FSTL4: variants seen among roughly 807,000 people sequenced by gnomAD.
FSTL4 encodes follistatin like 4, also known as follistatin-related protein 4.
FSTL4 carries 28 observed loss-of-function variants against 78.2 expected under a neutral mutation model. The observed-to-expected ratio is 0.36, with a 90% CI of 0.27 to 0.49. The LOEUF (loss-of-function observed/expected upper bound fraction) is 0.49, where lower values mean the gene tolerates loss of function less well. Among genes scored for constraint, FSTL4 ranks in the 20% least tolerant of loss-of-function variants. The pLI is 0.98. For missense variants in FSTL4, 922 were observed against 1,084.9 expected, an observed-to-expected ratio of 0.85 and a Z score of 2.11; for synonymous variants, 422 against 440.5, an observed-to-expected ratio of 0.96 and a Z score of 0.53.
chr5:133,323,735 C>T (rs1467856811), intron 4 of FSTL4, among the ~76,000 whole-genome samples: 1 of 152,244 alleles, frequency 6.6e-6, no homozygotes, highest in Non-Finnish European at 1.5e-5. Flanking sequence ...GGGGCTCCTC[C>T]TGCTCCCAGA....
chr5:133,514,287 A>T (rs1270381752), intron 3 of FSTL4, among the ~76,000 whole-genome samples: 2 of 151,768 alleles, frequency 1.3e-5, no homozygotes, highest in Admixed American at 6.6e-5. Context: ...AAGAAACAAG[A>T]GGGTGAATCA....
At chr5:133,517,569 G>T in intron 3 of FSTL4, among the ~76,000 whole-genome samples, 2 of 135,982 alleles carry the variant, frequency 1.5e-5, no homozygotes, top group Admixed American at 7.5e-5. Flanking sequence ...ATAATTTTTG[G>T]CTGTATATTA....
chr5:133,394,958 AGT>A (rs1755968794), intron 4 of FSTL4, among the ~76,000 whole-genome samples: 3 of 152,160 alleles, frequency 2.0e-5, no homozygotes, highest in Admixed American at 2.0e-4. Flanking sequence ...TGCACCAATC[AGT>A]GCTCTGTGTC....
chr5:133,457,249 A>G (rs1232906599), intron 3 of FSTL4, among the ~76,000 whole-genome samples: 1 of 152,210 alleles, frequency 6.6e-6, no homozygotes, highest in Admixed American at 6.5e-5. Context: ...TGGTTGTGCA[A>G]GATGCCACAT....
At chr5:133,335,220 T>G (rs572280740) in intron 4 of FSTL4, among the ~76,000 whole-genome samples, 1 of 152,044 alleles carries the variant, frequency 6.6e-6, no homozygotes, top group Non-Finnish European at 1.5e-5. Context: ...GGCCCTGACA[T>G]AAAACTGGGC....
chr5:133,209,147 C>CTGAT (rs1750622905), intron 14 of FSTL4, among the ~76,000 whole-genome samples: 1 of 152,164 alleles, frequency 6.6e-6, no homozygotes, highest in African/African-American at 2.4e-5. Context: ...TCCAGGCTCT[C>CTGAT]TGATAGGTTA....
intron 3 of FSTL4, among the ~76,000 whole-genome samples, chr5:133,522,662 C>A (rs1759003135): frequency 6.6e-6 from 1 of 152,208 alleles, no homozygotes; most frequent in Non-Finnish European, 1.5e-5. Flanking sequence ...TTAAATTAAG[C>A]TAATTGATTA....
the FSTL4 span, among the ~76,000 whole-genome samples, chr5:133,734,278 C>T: frequency 2.0e-5 from 3 of 152,134 alleles, no homozygotes; most frequent in Non-Finnish European, 2.9e-5. Context: ...AGGCATCCTG[C>T]AGTCAGGGAA....
chr5:133,612,838 C>T (rs1761132398), upstream of FSTL4, among the ~76,000 whole-genome samples: 1 of 152,140 alleles, frequency 6.6e-6, no homozygotes, highest in Non-Finnish European at 1.5e-5. The surrounding 1 kb of genome is among the most constrained non-coding windows in gnomAD (Gnocchi z 6.2). Flanking sequence ...CCAGGTTCCC[C>T]AAAGCTGTGC....
At chr5:133,390,769 TC>T (rs1755829257) in intron 4 of FSTL4, among the ~76,000 whole-genome samples, 1 of 152,178 alleles carries the variant, frequency 6.6e-6, no homozygotes, top group South Asian at 2.1e-4. Flanking sequence ...TGCCTCCTGA[TC>T]CCCCTCATTT....
At chr5:133,252,997 T>C (rs1472964169) in intron 6 of FSTL4, among the ~76,000 whole-genome samples, 1 of 152,254 alleles carries the variant, frequency 6.6e-6, no homozygotes, top group East Asian at 1.9e-4. Context: ...ATCGTAGTTC[T>C]GCTCCTGTCA....
chr5:133,341,894 C>T (rs1457513913), intron 4 of FSTL4, among the ~76,000 whole-genome samples: 2 of 152,194 alleles, frequency 1.3e-5, no homozygotes, highest in Non-Finnish European at 2.9e-5. Flanking sequence ...CAGTCAACCC[C>T]CACCTCTCCA....
At chr5:133,337,074 C>T (rs921607218) in intron 4 of FSTL4, among the ~76,000 whole-genome samples, 5 of 152,302 alleles carry the variant, frequency 3.3e-5, no homozygotes, top group African/African-American at 9.6e-5. Flanking sequence ...GGCCTGTGTT[C>T]GGGGATGGCG....
At chr5:133,581,859 T>C (rs776385177) in intron 2 of FSTL4, among the ~76,000 whole-genome samples, 1 of 152,190 alleles carries the variant, frequency 6.6e-6, no homozygotes, top group African/African-American at 2.4e-5. Flanking sequence ...CTTAACACCT[T>C]ACAAACTCTT....
At chr5:133,301,050 C>T (rs1753527309) in intron 6 of FSTL4, among the ~76,000 whole-genome samples, 2 of 152,272 alleles carry the variant, frequency 1.3e-5, no homozygotes, top group East Asian at 1.9e-4. Context: ...CTGTGGCACA[C>T]GGACTTCAGG....
chr5:133,246,215 G>A (rs181847126), intron 7 of FSTL4, among the ~76,000 whole-genome samples: 65 of 152,290 alleles, frequency 4.3e-4, no homozygotes, highest in African/African-American at 1.3e-3. Flanking sequence ...TCCCACTGCC[G>A]TGGGGTGAAC....
At chr5:133,359,339 A>T (rs1755018284) in intron 4 of FSTL4, among the ~76,000 whole-genome samples, 1 of 152,228 alleles carries the variant, frequency 6.6e-6, no homozygotes, top group African/African-American at 2.4e-5. Context: ...GTTTATTCGC[A>T]GTGTGAATTC....
In FSTL4 at chr5:133,532,245, T is replaced by C. The variant is rs115606748; in HGVS notation, c.160+34941A>G. The stretch of plus-strand genomic sequence containing the variant: ...AAGTGCAAGGAAATAGATTCTCCCT[T>C]AGAGCATGTAGAAAGAAGAACTGCC... On this transcript the variant is annotated intron_variant, in intron 3 of 15. Transcript: ENST00000265342. 6.7e-3 allele frequency among the ~76,000 whole-genome samples: 1,023 copies of C among 152,306 alleles called. 5 individuals carry two copies. The highest frequency in any genetic ancestry group is 0.014 in the Middle Eastern group (4 of 294).
At chr5:133,542,306 C>T (rs1170332180) in intron 3 of FSTL4, among the ~76,000 whole-genome samples, 1 of 152,116 alleles carries the variant, frequency 6.6e-6, no homozygotes, top group Non-Finnish European at 1.5e-5. Context: ...CTTCTAGTGG[C>T]AAACAAATAT....
Sources: allele counts gnomAD v4.1 joint callset (sites outside exome capture counted in the v4.1 genomes callset), GRCh38; gene constraint gnomAD v4.1.1; non-coding constraint Gnocchi (gnomAD v3.1); transcripts MANE v1.5; gene names NCBI Gene and HGNC (gene_info 2026-07-23, HGNC 2026-07-21).